CEP43: variants seen among roughly 807,000 people sequenced by gnomAD.
The protein encoded by CEP43 is FGFR1 oncogene partner.
CEP43 carries 36 observed loss-of-function variants against 52.6 expected under a neutral mutation model. That is an observed-to-expected ratio of 0.68 (90% CI 0.52 to 0.90). The LOEUF (loss-of-function observed/expected upper bound fraction) is 0.90, where lower values mean the gene tolerates loss of function less well. CEP43 is among the 40% of genes least tolerant of loss of function. CEP43 has a pLI of 0.00. For synonymous variants in CEP43, 192 were observed against 172.4 expected, an observed-to-expected ratio of 1.11 and a Z score of -0.89; for missense variants, 506 against 472.8, an observed-to-expected ratio of 1.07 and a Z score of -0.65.
intron 7 of CEP43, among the ~76,000 whole-genome samples, chr6:167,016,046 A>G (rs1780090810): frequency 1.3e-5 from 2 of 151,988 alleles, no homozygotes; most frequent in Admixed American, 1.3e-4. Flanking sequence ...ATTTCGTTGT[A>G]CCAAACATCC....
At chr6:167,002,553 T>C (rs1265712462) in intron 2 of CEP43, among the ~76,000 whole-genome samples, 3 of 152,236 alleles carry the variant, frequency 2.0e-5, no homozygotes, top group Non-Finnish European at 2.9e-5. Context: ...ACCAAATTGC[T>C]GTCCAAACTC....
intron 7 of CEP43, among the ~76,000 whole-genome samples, chr6:167,017,506 G>C (rs1780129918): frequency 1.3e-5 from 2 of 151,846 alleles, no homozygotes; most frequent in African/African-American, 4.8e-5. Context: ...CAACTGTATT[G>C]CATGAATTTT....
intron 5 of CEP43, 66 bp from the exon 6 acceptor site, chr6:167,010,747 G>C: frequency 1.5e-6 from 1 of 683,132 alleles, no homozygotes; most frequent in Non-Finnish European, 2.3e-6. Flanking sequence ...AATTCTATTG[G>C]AGTGTAATTG....
At chr6:167,012,194 C>G (rs996810717) in intron 6 of CEP43, among the ~76,000 whole-genome samples, 2 of 152,138 alleles carry the variant, frequency 1.3e-5, no homozygotes, top group African/African-American at 4.8e-5. Flanking sequence ...CATTGCTGAA[C>G]GATTGCTGTT....
At chr6:166,999,874 C>T (rs1779690740) in intron 1 of CEP43, 186 bp from the exon 2 acceptor site, 2 of 577,332 alleles carry the variant, frequency 3.5e-6, no homozygotes. Context: ...GGGAAAGCAG[C>T]GCGTCCAGCC....
At chr6:167,019,667 A>T (rs1435105619) in intron 7 of CEP43, among the ~76,000 whole-genome samples, 2 of 152,194 alleles carry the variant, frequency 1.3e-5, no homozygotes, top group Non-Finnish European at 2.9e-5. Context: ...GTTTACAAGT[A>T]TGTGTTGTGT....
rs376999850 is a variant in CEP43, at chr6:167,009,411, G to A, written c.439-1402G>A. Among the ~76,000 whole-genome samples, 13 of 151,020 alleles carry A rather than the reference G, an allele frequency of 8.6e-5. No individual in the cohort carries two copies. In the East Asian group the frequency reaches 1.9e-3, roughly 23 times the overall value. ...TGTAGTCCCAGCTACTCGGGAGGGC[G>A]AGGCAGGAGAATTGCTTGAACCCGG... is the stretch of plus-strand genomic sequence containing the variant. On this transcript the variant is annotated intron_variant, in intron 5 of 12. Transcript: ENST00000366847.
chr6:167,027,754 GTAAA>G (rs1391856863), intron 10 of CEP43: 7 of 503,076 alleles, frequency 1.4e-5, no homozygotes, highest in African/African-American at 2.1e-5. Flanking sequence ...GTTTTAAAGA[GTAAA>G]TAGGATTTAA....
rs943777830 is a variant in CEP43, at chr6:167,047,918, C to T, written c.*7940C>T. The T allele has an allele frequency of 6.6e-6, 1 of 152,094 alleles. No individual in the cohort carries two copies. Among genetic ancestry groups the T allele is most frequent in the Admixed American group, 6.5e-5 (1 of 15,270 alleles). 9.4% of individuals were successfully genotyped at this position (152,094 alleles called of 1,614,324 possible). ...TTCACGAAAACCTGCATTTTCATTT[C>T]GTTCACAAGAGAATTATGAGACTAG... On this transcript the variant is annotated 3_prime_UTR_variant, in exon 13 of 13. Coordinates refer to ENST00000366847, the MANE Select transcript of CEP43 (RefSeq NM_007045.4).
chr6:167,033,700 T>A (rs2128667477), intron 11 of CEP43, among the ~76,000 whole-genome samples, 175 bp from the exon 12 acceptor site: 1 of 152,348 alleles, frequency 6.6e-6, no homozygotes, highest in African/African-American at 2.4e-5. Context: ...TGACTGCTGC[T>A]GCCCTTGCTA....
chr6:167,038,987 T>TATCATTCTTATGCCATTGC (rs1332008660), intron 12 of CEP43, among the ~76,000 whole-genome samples: 1 of 152,170 alleles, frequency 6.6e-6, no homozygotes, highest in East Asian at 1.9e-4. Context: ...AAGTCCATTG[T>TATCATTCTTATGCCATTGC]ATCATTCTTA....
chr6:167,042,383 C>T lies in CEP43; in HGVS notation c.*2405C>T. The T allele has an allele frequency of 2.1e-6, 2 of 965,354 alleles. No homozygotes were observed. Among genetic ancestry groups the T allele is most frequent in the Non-Finnish European group, 2.5e-6 (2 of 806,238 alleles). The allele number at this position is 965,354 out of a possible 1,614,324, so 59.8% of individuals were successfully genotyped here. ...CTTTCTTTCATTTTATTGATAACTA[C>T]AAATGAATAAAAAGCATTTATTCTC... On this transcript the variant is annotated 3_prime_UTR_variant, in exon 13 of 13. Transcript: ENST00000366847.
chr6:167,005,817 T>C (rs1201315328), intron 5 of CEP43, among the ~76,000 whole-genome samples: 1 of 152,210 alleles, frequency 6.6e-6, no homozygotes, highest in African/African-American at 2.4e-5. Flanking sequence ...CCTCTCGGCT[T>C]CTGTGGCCCT....
Position 167,051,641 on chromosome 6 carries a change from G to A in CEP43, c.*11663G>A, listed in dbSNP as rs542295351. The A allele has an allele frequency of 2.6e-5, 4 of 152,252 alleles. No homozygotes were observed. In the East Asian group the frequency reaches 7.7e-4, roughly 29 times the overall value. The allele number at this position is 152,252 out of a possible 1,614,324, so 9.4% of individuals were successfully genotyped here. ...GTTAGGTGCATACATATTTATAATT[G>A]TTATATCTTCCTGATGGATTGGTAT... On this transcript the variant is annotated 3_prime_UTR_variant, in exon 13 of 13. Coordinates refer to ENST00000366847, the MANE Select transcript of CEP43 (RefSeq NM_007045.4).
chr6:167,013,140 C>G (rs551113050), intron 6 of CEP43, among the ~76,000 whole-genome samples: 1 of 152,234 alleles, frequency 6.6e-6, no homozygotes, highest in African/African-American at 2.4e-5. Flanking sequence ...TTTGTGTGCT[C>G]CTGAGAAAGG....
At position 167,041,547 on chromosome 6, in the gene CEP43, A is replaced by G. The variant is rs1046287144; in HGVS notation, c.*1569A>G. 6.7e-6 allele frequency: 7 copies of G among 1,051,102 alleles called. No individual in the cohort carries two copies. In the African/African-American group the frequency reaches 1.0e-4, roughly 15 times the overall value. The allele number at this position is 1,051,102 out of a possible 1,614,324, so 65.1% of individuals were successfully genotyped here. On this transcript the variant is annotated 3_prime_UTR_variant, in exon 13 of 13. Transcript: ENST00000366847. ...GCATTTCTTTGTAAGTCATCTCTGT[A>G]AACAGTCACTTTCTAAAAGCACTAT... is the stretch of plus-strand genomic sequence containing the variant.
Position 167,047,510 on chromosome 6 carries a change from A to G in CEP43, c.*7532A>G, listed in dbSNP as rs1461892423. On this transcript the variant is annotated 3_prime_UTR_variant, in exon 13 of 13. Transcript: ENST00000366847. ...AAGTAATGCCCACAGAGAGCTTAGC[A>G]TTGTTCTTGGCAAGTCACTAGTACT... 1 of 152,172 alleles carries G rather than the reference A, an allele frequency of 6.6e-6. No individual in the cohort carries two copies. The highest frequency in any genetic ancestry group is 1.5e-5 in the Non-Finnish European group (1 of 68,024). The allele number at this position is 152,172 out of a possible 1,614,324, so 9.4% of individuals were successfully genotyped here.
In CEP43 at chr6:167,044,020, G is replaced by A. The variant is rs2114856922; in HGVS notation, c.*4042G>A. On this transcript the variant is annotated 3_prime_UTR_variant, in exon 13 of 13. Transcript: ENST00000366847. ...GCGCCCTTATAGGAGGCCCGGGAGA[G>A]CTGCTTTGCCCCTTCCAGCGTGTGA... The A allele has an allele frequency of 6.6e-6, 1 of 152,320 alleles. No homozygotes were observed. The highest frequency in any genetic ancestry group is 1.5e-5 in the Non-Finnish European group (1 of 68,042). 9.4% of individuals were successfully genotyped at this position (152,320 alleles called of 1,614,324 possible).
chr6:167,034,285 A>G (rs1299098160), intron 12 of CEP43, among the ~76,000 whole-genome samples: 1 of 152,174 alleles, frequency 6.6e-6, no homozygotes, highest in Non-Finnish European at 1.5e-5. Context: ...ACCTGGTGCC[A>G]TAGGTGGAAG....
Sources: allele counts gnomAD v4.1 joint callset (sites outside exome capture counted in the v4.1 genomes callset), GRCh38; gene constraint gnomAD v4.1.1; transcripts MANE v1.5; gene names NCBI Gene and HGNC (gene_info 2026-07-23, HGNC 2026-07-21).